Variants in MFN1 observed in about 807,000 individuals in gnomAD.
MFN1 encodes the protein mitofusin-1.
Under a neutral mutation model 92.4 loss-of-function variants are expected in MFN1, and 65 were observed. That is an observed-to-expected ratio of 0.70 (90% CI 0.58 to 0.86). The LOEUF is 0.86. MFN1 is among the 40% of genes least tolerant of loss of function. MFN1 has a pLI of 0.00. For missense variants in MFN1, 781 were observed against 868.0 expected, an observed-to-expected ratio of 0.90 and a Z score of 1.26; for synonymous variants, 297 against 300.9, an observed-to-expected ratio of 0.99 and a Z score of 0.13.
chr3:179,361,160 G>A (rs558336784), intron 4 of MFN1, among the ~76,000 whole-genome samples: 1 of 152,268 alleles, frequency 6.6e-6, no homozygotes, highest in South Asian at 2.1e-4. Context: ...TATAAATGAA[G>A]GAATCACTGT....
Position 179,370,194 on chromosome 3 carries a change from T to C in MFN1, c.975+2091T>C, listed in dbSNP as rs370871395. ...TTGGTGTATTTCTGAACATTTATAA[T>C]TTAGTAGCATAAAATTGTTTGTTTT... On this transcript the variant is annotated intron_variant, in intron 9 of 17. Transcript: ENST00000471841. Among the ~76,000 whole-genome samples the C allele has an allele frequency of 3.9e-5, 6 of 152,158 alleles. 2 individuals are homozygous for C. Among genetic ancestry groups the C allele is most frequent in the South Asian group, 2.1e-4 (1 of 4,830 alleles).
chr3:179,352,127 A>G (rs1577000212), intron 3 of MFN1, 92 bp downstream of exon 3: 1 of 1,334,400 alleles, frequency 7.5e-7, no homozygotes, highest in East Asian at 2.4e-5. Flanking sequence ...ATCCTCCCCC[A>G]GCCCCGCAAG....
intron 17 of MFN1, 74 bp downstream of exon 17, chr3:179,390,212 ATTTG>A: frequency 5.0e-6 from 6 of 1,193,814 alleles, no homozygotes; most frequent in Non-Finnish European, 6.7e-6. Flanking sequence ...TTATTAATGA[ATTTG>A]TATTCATTCC....
intron 14 of MFN1, among the ~76,000 whole-genome samples, chr3:179,384,352 A>G (rs1056413972): frequency 6.6e-6 from 1 of 152,132 alleles, no homozygotes; most frequent in African/African-American, 2.4e-5. Flanking sequence ...TCTAATGGGT[A>G]TAGAGTAGTA....
At chr3:179,364,218 A>T in intron 5 of MFN1, 79 bp from the exon 6 acceptor site, 1 of 899,432 alleles carries the variant, frequency 1.1e-6, no homozygotes, top group Non-Finnish European at 1.6e-6. Flanking sequence ...TTCAAATTAT[A>T]TATAAAAGCT....
chr3:179,392,038 T>G lies in MFN1; in HGVS notation c.2205T>G (p.Pro735=), dbSNP rs1449799185. ...AGAATTTTACTAAGCAGTTTCTACCTTCAAGCAATGAAGAATCCTAACAAT... is the reference window on the plus strand; with the variant it reads ...AGAATTTTACTAAGCAGTTTCTACCGTCAAGCAATGAAGAATCCTAACAAT... ...ELENFTKQFL[P]SSNEES Residue 735 remains proline (P), a synonymous_variant, in exon 18 of 18, where the codon CCT becomes CCG. Coordinates refer to ENST00000471841, the MANE Select transcript of MFN1 (RefSeq NM_033540.3). 6 of 1,610,780 alleles carry G rather than the reference T, an allele frequency of 3.7e-6. No individual in the cohort carries two copies.
chr3:179,394,679 T>G lies in MFN1; in HGVS notation c.*2620T>G, dbSNP rs1035843300. 1.3e-5 allele frequency: 2 copies of G among 152,064 alleles called. No individual in the cohort carries two copies. Among genetic ancestry groups the G allele is most frequent in the African/African-American group, 2.4e-5 (1 of 41,374 alleles). 9.4% of individuals were successfully genotyped at this position (152,064 alleles called of 1,614,324 possible). On this transcript the variant is annotated 3_prime_UTR_variant, in exon 18 of 18. Transcript: ENST00000471841. ...ATCCACCCGCCTCGGCCTCCCAAAGTGCTGGGATTACAGGCGTGAGCCACC... is the reference window on the plus strand; with the variant it reads ...ATCCACCCGCCTCGGCCTCCCAAAGGGCTGGGATTACAGGCGTGAGCCACC...
rs1331938291 is a variant in MFN1 at position 179,394,173 on chromosome 3, AGT to A, written c.*2118_*2119del. 6.6e-6 allele frequency: 1 copy of A among 152,160 alleles called. No homozygotes were observed. The highest frequency in any genetic ancestry group is 1.5e-5 in the Non-Finnish European group (1 of 68,046). The allele number at this position is 152,160 out of a possible 1,614,324, so 9.4% of individuals were successfully genotyped here. On this transcript the variant is annotated 3_prime_UTR_variant, in exon 18 of 18. Transcript: ENST00000471841. ...ATAATCAACCTTCAAACTTATAAAA[AGT>A]GTGGATCCTTGGGTCTGAACCCAGA...
intron 14 of MFN1, among the ~76,000 whole-genome samples, chr3:179,383,529 G>A (rs1231081195): frequency 2.0e-5 from 3 of 152,106 alleles, no homozygotes; most frequent in Admixed American, 2.0e-4. Context: ...TGTTCTTTTG[G>A]CTTAGGATTG....
chr3:179,381,103 TAATGAA>T (rs1713448399), intron 14 of MFN1, among the ~76,000 whole-genome samples: 1 of 152,232 alleles, frequency 6.6e-6, no homozygotes, highest in African/African-American at 2.4e-5. Context: ...ATAATGGTGA[TAATGAA>T]GATGATTTCA....
At chr3:179,367,055 G>A (rs566182829) in intron 7 of MFN1, among the ~76,000 whole-genome samples, 1 of 152,304 alleles carries the variant, frequency 6.6e-6, no homozygotes, top group South Asian at 2.1e-4. Flanking sequence ...AGCCTGCCCA[G>A]TAGCTGGGAT....
chr3:179,382,335 C>T (rs1240304206), intron 14 of MFN1, among the ~76,000 whole-genome samples: 1 of 152,060 alleles, frequency 6.6e-6, no homozygotes, highest in African/African-American at 2.4e-5. Context: ...GGTTTTTTGT[C>T]CTTGCAATAG....
chr3:179,391,582 A>G (rs1038605122), intron 17 of MFN1, among the ~76,000 whole-genome samples: 2 of 152,168 alleles, frequency 1.3e-5, no homozygotes, highest in African/African-American at 4.8e-5. Context: ...AGCCCACTCA[A>G]TGAATATGTG....
intron 9 of MFN1, among the ~76,000 whole-genome samples, chr3:179,371,897 G>A (rs1480535792): frequency 1.3e-5 from 2 of 151,634 alleles, no homozygotes; most frequent in Non-Finnish European, 2.9e-5. Context: ...GATGTGTTAG[G>A]TAACAAGCTT....
At chr3:179,387,688 C>T (rs1713742990) in intron 16 of MFN1, among the ~76,000 whole-genome samples, 3 of 132,506 alleles carry the variant, frequency 2.3e-5, no homozygotes, top group South Asian at 5.1e-4. Flanking sequence ...CCACCTTCCT[C>T]ATTCAAGTGA....
In MFN1 at chr3:179,351,850, A is replaced by G. The variant is rs1408569878; in HGVS notation, c.113-50A>G. On this transcript the variant is annotated intron_variant, in intron 2 of 17. Transcript: ENST00000471841. ...ATCTTAGGTATTCCATTATATAACT[A>G]ACTTAATATTCATTTATATCACTTT... The G allele has an allele frequency of 7.8e-6, 12 of 1,529,916 alleles. No individual in the cohort carries two copies. The African/African-American group carries it at 1.6e-4, about 21-fold the overall frequency. 94.8% of individuals were successfully genotyped at this position (1,529,916 alleles called of 1,614,324 possible).
chr3:179,375,167 G>C, intron 9 of MFN1, 53 bp from the exon 10 acceptor site: 1 of 1,490,306 alleles, frequency 6.7e-7, no homozygotes, highest in East Asian at 2.4e-5. Flanking sequence ...TTAAATTCCT[G>C]AAAATGTTGC....
intron 10 of MFN1, chr3:179,376,782 A>C: frequency 3.8e-6 from 1 of 265,408 alleles, no homozygotes; most frequent in South Asian, 7.8e-5. Context: ...TTGCCTGTTC[A>C]TATCTATGAA....
intron 5 of MFN1, 43 bp downstream of exon 5, chr3:179,362,525 A>G (rs748952337): frequency 3.8e-6 from 6 of 1,590,216 alleles, no homozygotes; most frequent in Non-Finnish European, 5.2e-6. Context: ...AAGTTTATTT[A>G]ATAGTATAAT....
Sources: allele counts gnomAD v4.1 joint callset (sites outside exome capture counted in the v4.1 genomes callset), GRCh38; gene constraint gnomAD v4.1.1; transcripts MANE v1.5; gene names NCBI Gene and HGNC (gene_info 2026-07-23, HGNC 2026-07-21).